Variants in GPX8 observed in about 807,000 individuals in gnomAD.
GPX8 encodes the protein glutathione peroxidase 8 (putative).
In GPX8, 12 loss-of-function variants were observed where a neutral mutation model predicts 17.8. That is an observed-to-expected ratio of 0.67 (90% CI 0.43 to 1.09). The LOEUF (loss-of-function observed/expected upper bound fraction) is 1.09. GPX8 is among the 50% of genes least tolerant of loss of function. The pLI is 0.00. For synonymous variants in GPX8, 86 were observed against 88.1 expected, an observed-to-expected ratio of 0.98 and a Z score of 0.14; for missense variants, 209 against 235.6, an observed-to-expected ratio of 0.89 and a Z score of 0.74.
At chr5:55,161,347 T>C in intron 2 of GPX8, 92 bp downstream of exon 2, 2 of 1,239,480 alleles carry the variant, frequency 1.6e-6, no homozygotes, top group Non-Finnish European at 2.3e-6. Context: ...ATTTGAAACG[T>C]TGTATCGGGA....
intron 1 of GPX8, chr5:55,160,601 A>G (rs1280920203): frequency 1.8e-6 from 1 of 551,566 alleles, no homozygotes; most frequent in African/African-American, 1.9e-5. Flanking sequence ...TTTCTTTAAA[A>G]TGCTTTAATT....
rs959943559 is a variant in GPX8, at chr5:55,160,740, A to G, written c.205-254A>G. On this transcript the variant is annotated intron_variant, in intron 1 of 2. Transcript: ENST00000503787. Reference sequence around the variant, plus strand: ...CTTTAAAAAGAACTTATCAAGGATCATAGTTTTATCTTTAATTTAAAAATA... The same window carrying G: ...CTTTAAAAAGAACTTATCAAGGATCGTAGTTTTATCTTTAATTTAAAAATA... The G allele has an allele frequency of 2.3e-5, 11 of 479,254 alleles. No individual in the cohort carries two copies. The Admixed American group carries it at 2.3e-4, about 10-fold the overall frequency. The allele number at this position is 479,254 out of a possible 1,614,324, so 29.7% of individuals were successfully genotyped here.
In GPX8 at chr5:55,160,320, AAATC is replaced by A. The variant is rs754686056; in HGVS notation, c.131_134del (p.Ile44ThrfsTer8). On this transcript the variant is annotated frameshift_variant, in exon 1 of 3. Transcript: ENST00000503787. LOFTEE classifies it high-confidence loss of function. ...CTACAACTAAAATTCCTCAAACCTAAAATCAACAGCTTTTATGCCTTTGAAGTGA... is the reference window on the plus strand; with the variant it reads ...CTACAACTAAAATTCCTCAAACCTAAAACAGCTTTTATGCCTTTGAAGTGA... 6.2e-7 allele frequency: 1 copy of A among 1,613,990 alleles called. No individual in the cohort carries two copies. The highest frequency in any genetic ancestry group is 8.5e-7 in the Non-Finnish European group (1 of 1,179,988).
At chr5:55,162,270 C>T (rs1030577051) in intron 2 of GPX8, among the ~76,000 whole-genome samples, 1 of 152,190 alleles carries the variant, frequency 6.6e-6, no homozygotes, top group African/African-American at 2.4e-5. Flanking sequence ...GTGGTGGGCA[C>T]CTGTAATCCC....
intron 2 of GPX8, among the ~76,000 whole-genome samples, chr5:55,162,943 C>G (rs1356146560): frequency 6.6e-6 from 1 of 152,160 alleles, no homozygotes; most frequent in Non-Finnish European, 1.5e-5. Context: ...AATCCTGGCT[C>G]AACCACTCAT....
chr5:55,160,903 C>T, intron 1 of GPX8, 91 bp from the exon 2 acceptor site: 1 of 1,312,638 alleles, frequency 7.6e-7, no homozygotes, highest in East Asian at 2.4e-5. Flanking sequence ...GTTATAGTCC[C>T]CCCCAAATTG....
At chr5:55,160,787 C>A in intron 1 of GPX8, 1 of 519,058 alleles carries the variant, frequency 1.9e-6, no homozygotes, top group Non-Finnish European at 3.3e-6. Context: ...GTATCTAATG[C>A]TTTTTTAATG....
chr5:55,160,199 C>G lies in GPX8; in HGVS notation c.7C>G (p.Pro3Ala). The G allele has an allele frequency of 6.2e-7, 1 of 1,613,354 alleles. No homozygotes were observed. The highest frequency in any genetic ancestry group is 8.5e-7 in the Non-Finnish European group (1 of 1,179,284). Residue 3 changes from proline to alanine, a missense_variant, in exon 1 of 3, where the codon CCT becomes GCT. Physicochemically the swap from Pro to Ala is conservative, Grantham distance 27. Transcript: ENST00000503787. Reference sequence around the variant, plus strand: ...CCCTCTAGAATCCTCCAACATGGAGCCTCTTGCAGCTTACCCGCTAAAATG... The same window carrying G: ...CCCTCTAGAATCCTCCAACATGGAGGCTCTTGCAGCTTACCCGCTAAAATG... ME[P>A]LAAYPLKCSG... is the part of the protein sequence containing the mutation.
At chr5:55,161,897 G>T (rs1744085001) in intron 2 of GPX8, among the ~76,000 whole-genome samples, 1 of 152,090 alleles carries the variant, frequency 6.6e-6, no homozygotes, top group Non-Finnish European at 1.5e-5. Flanking sequence ...CAAGCTACCT[G>T]GGTTCAAACC....
rs1269922798 is a variant in GPX8, at chr5:55,160,289, T to C, written c.97T>C (p.Phe33Leu). 1.9e-6 allele frequency: 3 copies of C among 1,613,680 alleles called. No individual in the cohort carries two copies. The highest frequency in any genetic ancestry group is 1.3e-5 in the African/African-American group (1 of 74,940). Residue 33 changes from phenylalanine to leucine, a missense_variant, in exon 1 of 3, where the codon TTT becomes CTT. Phe to Leu is a conservative substitution (Grantham distance 22, BLOSUM62 0). Coordinates refer to ENST00000503787, the MANE Select transcript of GPX8 (RefSeq NM_001008397.4). ...LSIVLCTVTL[F>L]LLQLKFLKPK... Reference sequence around the variant, plus strand: ...TATAGTTCTATGCACAGTAACGCTATTTCTTCTACAACTAAAATTCCTCAA... The same window carrying C: ...TATAGTTCTATGCACAGTAACGCTACTTCTTCTACAACTAAAATTCCTCAA...
rs1439292325 is a variant in GPX8, at chr5:55,165,445, C to G, written c.*1227C>G. The stretch of plus-strand genomic sequence containing the variant: ...ATAAATTTGTCTAAGAAGAAAAAGA[C>G]CCAATTTAAGTAGTCTGTGACTTGA... On this transcript the variant is annotated 3_prime_UTR_variant, in exon 3 of 3. Coordinates refer to ENST00000503787, the MANE Select transcript of GPX8 (RefSeq NM_001008397.4). The G allele has an allele frequency of 6.6e-6, 1 of 152,140 alleles. No homozygotes were observed. Among genetic ancestry groups the G allele is most frequent in the African/African-American group, 2.4e-5 (1 of 41,426 alleles). 9.4% of individuals were successfully genotyped at this position (152,140 alleles called of 1,614,324 possible).
rs1015147024 is a variant in GPX8 at position 55,165,944 on chromosome 5, G to C, written c.*1726G>C. The C allele has an allele frequency of 2.0e-5, 3 of 152,220 alleles. No individual in the cohort carries two copies. Among genetic ancestry groups the C allele is most frequent in the Non-Finnish European group, 4.4e-5 (3 of 68,030 alleles). 9.4% of individuals were successfully genotyped at this position (152,220 alleles called of 1,614,324 possible). ...AGAACTAACCTGGATTGTTAGCGAAGAAAACAGAAGCCACCAACAAGCCTA... is the reference window on the plus strand; with the variant it reads ...AGAACTAACCTGGATTGTTAGCGAACAAAACAGAAGCCACCAACAAGCCTA... On this transcript the variant is annotated 3_prime_UTR_variant, in exon 3 of 3. Coordinates refer to ENST00000503787, the MANE Select transcript of GPX8 (RefSeq NM_001008397.4).
At position 55,161,268 on chromosome 5, in the gene GPX8, C is replaced by G; in HGVS notation, c.466+13C>G. The stretch of plus-strand genomic sequence containing the variant: ...AGATTTCTTGTTGGTAAATATCTGC[C>G]TTGCATATGCTGTTTTAAATTGCTT... On this transcript the variant is annotated intron_variant, in intron 2 of 2. Coordinates refer to ENST00000503787, the MANE Select transcript of GPX8 (RefSeq NM_001008397.4). The G allele has an allele frequency of 6.2e-7, 1 of 1,607,040 alleles. No homozygotes were observed. Among genetic ancestry groups the G allele is most frequent in the South Asian group, 1.1e-5 (1 of 90,530 alleles).
intron 2 of GPX8, 76 bp downstream of exon 2, chr5:55,161,331 T>G: frequency 7.4e-7 from 1 of 1,346,176 alleles, no homozygotes; most frequent in Non-Finnish European, 1.0e-6. Context: ...AATACTTTCC[T>G]ATTTCATTTG....
At chr5:55,162,556 A>G (rs1744134445) in intron 2 of GPX8, among the ~76,000 whole-genome samples, 1 of 152,254 alleles carries the variant, frequency 6.6e-6, no homozygotes, top group African/African-American at 2.4e-5. Flanking sequence ...GTGATCTATA[A>G]TATTTCACAT....
chr5:55,161,876 G>C (rs1285897864), intron 2 of GPX8, among the ~76,000 whole-genome samples: 1 of 152,122 alleles, frequency 6.6e-6, no homozygotes, highest in East Asian at 1.9e-4. Context: ...AGACAGCATA[G>C]GCTTTGGCCT....
rs1404772819 is a variant in GPX8, at chr5:55,166,450, G to C, written c.*2232G>C. Reference sequence around the variant, plus strand: ...AAGCAGAGTAGGCAGGAGGAGATTTGAAAGCGTGTCATACATATTGCCTTG... The same window carrying C: ...AAGCAGAGTAGGCAGGAGGAGATTTCAAAGCGTGTCATACATATTGCCTTG... On this transcript the variant is annotated 3_prime_UTR_variant, in exon 3 of 3. Transcript: ENST00000503787. 2 of 152,210 alleles carry C rather than the reference G, an allele frequency of 1.3e-5. No homozygotes were observed. The highest frequency in any genetic ancestry group is 6.5e-5 in the Admixed American group (1 of 15,272). The allele number at this position is 152,210 out of a possible 1,614,324, so 9.4% of individuals were successfully genotyped here. A position where few individuals can be genotyped will look rare whatever the true frequency, so the allele number is the denominator to read the frequency against.
Position 55,164,467 on chromosome 5 carries a change from A to G in GPX8, c.*249A>G, listed in dbSNP as rs1744273926. ...GTTCCCAGGATGAGGATGTTACCCA[A>G]AGCAAAAATCAAGAGTAGCCAAAGA... On this transcript the variant is annotated 3_prime_UTR_variant, in exon 3 of 3. Transcript: ENST00000503787. 3.8e-6 allele frequency: 1 copy of G among 264,252 alleles called. No individual in the cohort carries two copies. The highest frequency in any genetic ancestry group is 5.2e-5 in the Admixed American group (1 of 19,058). 16.4% of individuals were successfully genotyped at this position (264,252 alleles called of 1,614,324 possible). A position where few individuals can be genotyped will look rare whatever the true frequency, so the allele number is the denominator to read the frequency against.
chr5:55,160,359 A>G lies in GPX8; in HGVS notation c.167A>G (p.Lys56Arg), dbSNP rs774635719. 1.9e-5 allele frequency: 31 copies of G among 1,613,180 alleles called. No individual in the cohort carries two copies. Among genetic ancestry groups the G allele is most frequent in the Non-Finnish European group, 7.6e-6 (9 of 1,179,972 alleles). ...SFYAFEVKDA[K>R]GRTVSLEKYK... ...TATGCCTTTGAAGTGAAGGATGCAA[A>G]AGGAAGAACTGTTTCTCTGGAAAAG... The change falls in exon 1 of 3, where the codon AAA becomes AGA. Residue 56 changes from lysine to arginine, a missense_variant. By Grantham distance (26) the Lys-to-Arg change is conservative. Transcript: ENST00000503787.
Sources: allele counts gnomAD v4.1 joint callset (sites outside exome capture counted in the v4.1 genomes callset), GRCh38; gene constraint gnomAD v4.1.1; transcripts MANE v1.5; gene names NCBI Gene and HGNC (gene_info 2026-07-23, HGNC 2026-07-21).